The following HMG20A variants were observed in gnomAD, a reference collection of about 807,000 sequenced individuals.
HMG20A encodes high mobility group protein 20A.
In HMG20A, 17 loss-of-function variants were observed where a neutral mutation model predicts 43.9. The ratio of observed to expected loss-of-function variants is 0.39; its 90% CI spans 0.27 to 0.58. HMG20A has a LOEUF of 0.58. Among genes scored for constraint, HMG20A ranks in the 20% least tolerant of loss-of-function variants. HMG20A has a pLI of 0.59. For missense variants in HMG20A, 341 were observed against 438.2 expected (o/e 0.78, Z 1.98); for synonymous variants, 132 against 147.5 (o/e 0.89, Z 0.76).
At chr15:77,475,567 G>A (rs2072847468) in intron 6 of HMG20A, among the ~76,000 whole-genome samples, 1 of 152,236 alleles carries the variant, frequency 6.6e-6, no homozygotes, top group Non-Finnish European at 1.5e-5. Flanking sequence ...GAGACGTATA[G>A]CTTAGGTAAC....
downstream of HMG20A, among the ~76,000 whole-genome samples, chr15:77,490,273 G>C (rs1248126541): frequency 6.6e-6 from 1 of 152,038 alleles, no homozygotes; most frequent in Admixed American, 6.6e-5. Context: ...GAGTAACAGA[G>C]CAAGACTCTG....
the HMG20A span, among the ~76,000 whole-genome samples, chr15:77,509,295 G>C: frequency 6.6e-6 from 1 of 151,506 alleles, no homozygotes; most frequent in South Asian, 2.1e-4. Flanking sequence ...GTCTCGCTCC[G>C]TCACTCAGGC....
chr15:77,483,824 AG>A lies in HMG20A; in HGVS notation c.*863del, dbSNP rs1010079833. The A allele has an allele frequency of 1.3e-5, 2 of 152,644 alleles. No individual in the cohort carries two copies. The highest frequency in any genetic ancestry group is 4.8e-5 in the African/African-American group (2 of 41,462). 9.5% of individuals were successfully genotyped at this position (152,644 alleles called of 1,614,324 possible). A position where few individuals can be genotyped will look rare whatever the true frequency, so the allele number is the denominator to read the frequency against. ...TGAGGAAAAGGTCACTTGTAAACAG[AG>A]GAGAAAGGGAAAGAGTACAAAGCCC... is the stretch of plus-strand genomic sequence containing the variant. On this transcript the variant is annotated 3_prime_UTR_variant, in exon 10 of 10. Coordinates refer to ENST00000336216, the MANE Select transcript of HMG20A (RefSeq NM_001304504.2).
the HMG20A span, among the ~76,000 whole-genome samples, chr15:77,497,899 G>A: frequency 7.0e-6 from 1 of 142,876 alleles, no homozygotes; most frequent in Admixed American, 7.1e-5. Flanking sequence ...AACCCAACCC[G>A]CCAAGCAACC....
chr15:77,465,460 A>G (rs967898366), intron 3 of HMG20A, among the ~76,000 whole-genome samples: 1 of 150,424 alleles, frequency 6.6e-6, no homozygotes, highest in Non-Finnish European at 1.5e-5. Context: ...CGGTGGCACA[A>G]TTTCAGCTCA....
chr15:77,494,099 T>C, the HMG20A span, among the ~76,000 whole-genome samples: 1 of 152,010 alleles, frequency 6.6e-6, no homozygotes, highest in Non-Finnish European at 1.5e-5. Context: ...TGGCTAAAGA[T>C]TTCACTGTTT....
At chr15:77,479,873 A>G (rs1199422273) in intron 9 of HMG20A, among the ~76,000 whole-genome samples, 2 of 152,238 alleles carry the variant, frequency 1.3e-5, no homozygotes, top group Non-Finnish European at 2.9e-5. Context: ...CATTGTATGT[A>G]TGTGAGCCTA....
At chr15:77,507,320 A>G in the HMG20A span, among the ~76,000 whole-genome samples, 189 of 152,224 alleles carry the variant, frequency 1.2e-3, no homozygotes, top group African/African-American at 4.5e-3. Flanking sequence ...TCCCCACTGT[A>G]AAAGGCAGAG....
intron 1 of HMG20A, among the ~76,000 whole-genome samples, chr15:77,444,557 C>G (rs2073652097): frequency 6.6e-6 from 1 of 151,904 alleles, no homozygotes; most frequent in Non-Finnish European, 1.5e-5. Context: ...AGCTTTTAAA[C>G]AAAAAAGATT....
chr15:77,500,563 CT>C, the HMG20A span, among the ~76,000 whole-genome samples: 51,406 of 144,566 alleles, frequency 0.36, 8,957 homozygotes, highest in Non-Finnish European at 0.38. Context: ...CCTCCCTGTT[CT>C]TTTTTTTTTT....
chr15:77,430,656 G>A lies in HMG20A; in HGVS notation c.-5+9652G>A, dbSNP rs111399960. Among the ~76,000 whole-genome samples the A allele has an allele frequency of 1.2e-3, 187 of 152,328 alleles. 1 individual carries two copies. Among genetic ancestry groups the A allele is most frequent in the African/African-American group, 4.4e-3 (182 of 41,572 alleles). ...GAGCAGACAAAACTTGGATTTTAGA[G>A]ATCTCCAGGTAGCTAGTTCTTGGGT... On this transcript the variant is annotated intron_variant, in intron 1 of 9. Coordinates refer to ENST00000336216, the MANE Select transcript of HMG20A (RefSeq NM_001304504.2).
chr15:77,455,962 C>G (rs1183339883), intron 1 of HMG20A, among the ~76,000 whole-genome samples: 1 of 152,138 alleles, frequency 6.6e-6, no homozygotes, highest in Non-Finnish European at 1.5e-5. Context: ...TCATTTCCTT[C>G]TTTTGTTGAT....
the HMG20A span, among the ~76,000 whole-genome samples, chr15:77,510,477 A>T: frequency 6.6e-6 from 1 of 152,230 alleles, no homozygotes; most frequent in South Asian, 2.1e-4. Context: ...CGCAGCTTAA[A>T]TGCACTGGGG....
chr15:77,426,231 T>A (rs541980999), intron 1 of HMG20A, among the ~76,000 whole-genome samples: 1 of 152,266 alleles, frequency 6.6e-6, no homozygotes, highest in Admixed American at 6.5e-5. Flanking sequence ...AGTTGACACC[T>A]GAACAATGAG....
chr15:77,452,187 AT>A (rs1228440973), intron 1 of HMG20A, among the ~76,000 whole-genome samples: 2 of 152,256 alleles, frequency 1.3e-5, no homozygotes, highest in Non-Finnish European at 2.9e-5. Context: ...CCACAATATT[AT>A]GATGAAGCTG....
At chr15:77,494,648 G>GT in the HMG20A span, among the ~76,000 whole-genome samples, 5 of 152,186 alleles carry the variant, frequency 3.3e-5, no homozygotes, top group African/African-American at 9.7e-5. Context: ...GAAATAATAT[G>GT]TTTATCTTGG....
At chr15:77,501,141 T>G in the HMG20A span, among the ~76,000 whole-genome samples, 1 of 152,228 alleles carries the variant, frequency 6.6e-6, no homozygotes, top group Non-Finnish European at 1.5e-5. Flanking sequence ...CCTGGCACTG[T>G]GCCTGGGACA....
the HMG20A span, among the ~76,000 whole-genome samples, chr15:77,519,023 C>T: frequency 6.6e-6 from 1 of 152,204 alleles, no homozygotes; most frequent in African/African-American, 2.4e-5. Flanking sequence ...AATGTCTATA[C>T]CCCATTTCCT....
the HMG20A span, among the ~76,000 whole-genome samples, chr15:77,496,434 C>T: frequency 2.6e-5 from 4 of 152,184 alleles, no homozygotes; most frequent in Admixed American, 2.0e-4. Context: ...CAGCTCTGCC[C>T]TCCTCCATCC....
Sources: allele counts gnomAD v4.1 joint callset (sites outside exome capture counted in the v4.1 genomes callset), GRCh38; gene constraint gnomAD v4.1.1; transcripts MANE v1.5; gene names NCBI Gene and HGNC (gene_info 2026-07-23, HGNC 2026-07-21).